MARCHF1: variants seen among roughly 807,000 people sequenced by gnomAD.
MARCHF1 encodes the protein E3 ubiquitin-protein ligase MARCHF1.
Under a neutral mutation model 54.2 loss-of-function variants are expected in MARCHF1, and 40 were observed. The ratio of observed to expected loss-of-function variants is 0.74; its 90% CI spans 0.57 to 0.96. MARCHF1 has a LOEUF of 0.96. MARCHF1 is among the 40% of genes least tolerant of loss of function. The pLI is 0.00. For missense variants in MARCHF1, 586 were observed against 656.5 expected (o/e 0.89, Z 1.17); for synonymous variants, 236 against 236.3 (o/e 1.00, Z 0.01).
chr4:163,656,720 C>T (rs1256163769), intron 5 of MARCHF1, among the ~76,000 whole-genome samples: 1 of 152,074 alleles, frequency 6.6e-6, no homozygotes, highest in Non-Finnish European at 1.5e-5. Context: ...ATCAAGTTGC[C>T]TTCATCCCCA....
intron 5 of MARCHF1, among the ~76,000 whole-genome samples, chr4:163,644,491 C>T (rs181224219): frequency 1.3e-5 from 2 of 152,248 alleles, no homozygotes; most frequent in East Asian, 3.9e-4. Context: ...ACGCAAGGAC[C>T]CAGAGGGAGA....
At chr4:163,607,020 A>C (rs1200832961) in intron 7 of MARCHF1, among the ~76,000 whole-genome samples, 1 of 152,048 alleles carries the variant, frequency 6.6e-6, no homozygotes, top group East Asian at 1.9e-4. Context: ...TGGCCAGACT[A>C]TCTCTTCCCT....
chr4:163,960,600 A>G (rs1752326826), intron 3 of MARCHF1, among the ~76,000 whole-genome samples: 1 of 151,914 alleles, frequency 6.6e-6, no homozygotes, highest in Admixed American at 6.6e-5. Flanking sequence ...GTGGGAGCTA[A>G]ATGATGGAAC....
intron 3 of MARCHF1, among the ~76,000 whole-genome samples, chr4:163,888,713 A>G (rs1364546808): frequency 3.9e-5 from 6 of 152,168 alleles, no homozygotes; most frequent in Non-Finnish European, 8.8e-5. Flanking sequence ...TTCTAAGCCT[A>G]TAAGGCTAAG....
intron 1 of MARCHF1, among the ~76,000 whole-genome samples, chr4:164,302,655 A>T (rs183906423): frequency 3.2e-4 from 48 of 152,250 alleles, no homozygotes; most frequent in Admixed American, 1.2e-3. Context: ...AGGTAGGTGG[A>T]TAACTTGAGG....
At chr4:164,214,035 GTA>G (rs1731855381) in intron 1 of MARCHF1, among the ~76,000 whole-genome samples, 1 of 151,912 alleles carries the variant, frequency 6.6e-6, no homozygotes, top group East Asian at 1.9e-4. Context: ...AATAACTCCT[GTA>G]TATGTTTATG....
chr4:163,917,821 A>C (rs1230911679), intron 3 of MARCHF1, among the ~76,000 whole-genome samples: 2 of 152,018 alleles, frequency 1.3e-5, no homozygotes, highest in South Asian at 4.1e-4. Flanking sequence ...CAGATGGATA[A>C]ATTGCAAAAA....
At chr4:164,244,964 C>T (rs1489880753) in intron 1 of MARCHF1, among the ~76,000 whole-genome samples, 1 of 152,076 alleles carries the variant, frequency 6.6e-6, no homozygotes, top group Non-Finnish European at 1.5e-5. Flanking sequence ...TGGCAATAAT[C>T]AATAGCTTAC....
At chr4:163,778,980 C>T (rs1337792097) in intron 4 of MARCHF1, among the ~76,000 whole-genome samples, 1 of 152,086 alleles carries the variant, frequency 6.6e-6, no homozygotes, top group Non-Finnish European at 1.5e-5. Flanking sequence ...TACACTTATA[C>T]AAATAAAAAC....
intron 2 of MARCHF1, among the ~76,000 whole-genome samples, chr4:164,107,333 T>A (rs1288183482): frequency 6.6e-6 from 1 of 152,082 alleles, no homozygotes; most frequent in African/African-American, 2.4e-5. Flanking sequence ...GTAAAATAGA[T>A]CTAAAATAGG....
chr4:163,881,427 C>T (rs1478228983), intron 3 of MARCHF1, among the ~76,000 whole-genome samples: 2 of 151,990 alleles, frequency 1.3e-5, no homozygotes, highest in African/African-American at 2.4e-5. Flanking sequence ...GCCAAAATAG[C>T]ACCACTGCAC....
intron 4 of MARCHF1, among the ~76,000 whole-genome samples, chr4:163,798,677 G>C (rs1336802381): frequency 1.3e-5 from 2 of 151,816 alleles, no homozygotes; most frequent in Non-Finnish European, 2.9e-5. Flanking sequence ...CAAAAGAGTT[G>C]AAAATAGAAG....
At chr4:164,322,159 A>T (rs978537487) in intron 1 of MARCHF1, among the ~76,000 whole-genome samples, 1 of 152,144 alleles carries the variant, frequency 6.6e-6, no homozygotes, top group Non-Finnish European at 1.5e-5. Context: ...TATGAAAGCA[A>T]TAAAATTGAA....
intron 5 of MARCHF1, among the ~76,000 whole-genome samples, chr4:163,653,216 T>C (rs1483623482): frequency 6.6e-6 from 1 of 151,712 alleles, no homozygotes; most frequent in Non-Finnish European, 1.5e-5. Context: ...TAAGTGGACA[T>C]GAACCAGCTA....
At chr4:163,771,732 T>A (rs1747166963) in intron 4 of MARCHF1, among the ~76,000 whole-genome samples, 2 of 152,014 alleles carry the variant, frequency 1.3e-5, no homozygotes, top group East Asian at 3.9e-4. Flanking sequence ...TACAAGTTTC[T>A]GAGCACTGCT....
chr4:164,284,340 G>C (rs200690475), intron 1 of MARCHF1, among the ~76,000 whole-genome samples: 1 of 131,724 alleles, frequency 7.6e-6, no homozygotes, highest in Non-Finnish European at 1.6e-5. Context: ...GAGACAGAGA[G>C]AGAGAGAGAG....
chr4:164,197,730 G>T (rs778501243), intron 1 of MARCHF1: 8 of 1,611,246 alleles, frequency 5.0e-6, no homozygotes, highest in East Asian at 2.2e-5. Flanking sequence ...CTCTCTGTCT[G>T]CAGAGGCTCT....
chr4:163,763,976 T>A (rs1188076544), intron 4 of MARCHF1, among the ~76,000 whole-genome samples: 1 of 152,128 alleles, frequency 6.6e-6, no homozygotes, highest in Non-Finnish European at 1.5e-5. Context: ...TTTCTCATTT[T>A]AAATTTTTCT....
chr4:163,605,607 G>A (rs182480515), intron 7 of MARCHF1, among the ~76,000 whole-genome samples: 27 of 152,238 alleles, frequency 1.8e-4, no homozygotes, highest in Admixed American at 2.6e-4. Flanking sequence ...ACATGCACAT[G>A]TATGTTTATT....
Sources: gnomAD v4.1 joint callset for allele counts (sites outside exome capture counted in the v4.1 genomes callset) on GRCh38, gnomAD v4.1.1 for gene constraint, MANE v1.5 for transcripts, NCBI Gene and HGNC (gene_info 2026-07-23, HGNC 2026-07-21) for gene names.